Variants in UGDH observed in about 807,000 individuals in gnomAD.
UGDH encodes the protein UDP-Glc dehydrogenase.
In UGDH, 38 loss-of-function variants were observed where a neutral mutation model predicts 50.6. That is an observed-to-expected ratio of 0.75 (90% CI 0.58 to 0.98). The LOEUF (loss-of-function observed/expected upper bound fraction) is 0.98, where lower values mean the gene tolerates loss of function less well. UGDH is among the 50% of genes least tolerant of loss of function. The pLI is 0.00. For synonymous variants in UGDH, 168 were observed against 199.9 expected, an observed-to-expected ratio of 0.84 and a Z score of 1.35; for missense variants, 465 against 606.2, an observed-to-expected ratio of 0.77 and a Z score of 2.45.
At chr4:39,500,919 G>A (rs1161107686) in intron 11 of UGDH, among the ~76,000 whole-genome samples, 1 of 151,234 alleles carries the variant, frequency 6.6e-6, no homozygotes, top group Non-Finnish European at 1.5e-5. Context: ...CTCCCAGAGT[G>A]CTGGGATTAC....
intron 1 of UGDH, among the ~76,000 whole-genome samples, chr4:39,524,643 G>A (rs1221163511): frequency 6.6e-6 from 1 of 151,848 alleles, no homozygotes; most frequent in Admixed American, 6.6e-5. Flanking sequence ...CAAGTACCTG[G>A]GACTACAGGT....
At chr4:39,503,840 CA>C (rs1553936874) in intron 11 of UGDH, 34 bp downstream of exon 11, 11 of 1,594,494 alleles carry the variant, frequency 6.9e-6, no homozygotes, top group Non-Finnish European at 9.4e-6. Context: ...AAAGACCAAA[CA>C]AAAAGAAAAA....
chr4:39,515,711 C>CT (rs895104048), intron 2 of UGDH, among the ~76,000 whole-genome samples: 8 of 151,782 alleles, frequency 5.3e-5, no homozygotes, highest in Non-Finnish European at 1.0e-4. Context: ...TGAAAAATTT[C>CT]TTTTTTTTGA....
At chr4:39,505,825 T>C in intron 7 of UGDH, 77 bp from the exon 8 acceptor site, 2 of 1,441,328 alleles carry the variant, frequency 1.4e-6, no homozygotes, top group South Asian at 1.5e-5. Context: ...CAGAATTTTA[T>C]GGTGAGTGCT....
At chr4:39,503,158 G>T (rs71606176) in intron 11 of UGDH, among the ~76,000 whole-genome samples, 1 of 151,854 alleles carries the variant, frequency 6.6e-6, no homozygotes, top group African/African-American at 2.4e-5. Flanking sequence ...CTTGTGATCC[G>T]CCCGCCTCAG....
intron 2 of UGDH, among the ~76,000 whole-genome samples, chr4:39,514,980 C>T (rs1489427648): frequency 2.0e-5 from 3 of 151,428 alleles, no homozygotes; most frequent in African/African-American, 7.3e-5. Flanking sequence ...CCACACCTGG[C>T]CTATTTTATT....
At chr4:39,523,867 GTT>G (rs2109950068) in intron 1 of UGDH, among the ~76,000 whole-genome samples, 1 of 151,430 alleles carries the variant, frequency 6.6e-6, no homozygotes, top group African/African-American at 2.4e-5. Flanking sequence ...AATTAAATCT[GTT>G]GTAACAAGGT....
chr4:39,508,785 G>GGC, intron 6 of UGDH, 125 bp from the exon 7 acceptor site: 2 of 747,032 alleles, frequency 2.7e-6, no homozygotes, highest in Non-Finnish European at 4.1e-6. Flanking sequence ...AATTCAGATG[G>GGC]ATAAATAATG....
intron 11 of UGDH, among the ~76,000 whole-genome samples, chr4:39,502,057 T>A (rs891525832): frequency 6.6e-6 from 1 of 152,234 alleles, no homozygotes; most frequent in Admixed American, 6.5e-5. Context: ...TTTTTTTAAT[T>A]TCTCACTAGG....
intron 11 of UGDH, among the ~76,000 whole-genome samples, chr4:39,500,653 C>CTTTTTTTTTTTT (rs11284301): frequency 4.4e-5 from 6 of 135,220 alleles, no homozygotes; most frequent in Non-Finnish European, 4.8e-5. Context: ...GCATAATTCT[C>CTTTTTTTTTTTT]TTTTTTTTTT....
intron 2 of UGDH, among the ~76,000 whole-genome samples, chr4:39,516,287 G>C (rs1746441237): frequency 1.3e-5 from 2 of 151,966 alleles, no homozygotes; most frequent in East Asian, 3.9e-4. Flanking sequence ...CTGTCTCAAA[G>C]AAAAACAAAA....
intron 11 of UGDH, among the ~76,000 whole-genome samples, chr4:39,500,524 C>G (rs565742051): frequency 6.6e-6 from 1 of 152,284 alleles, no homozygotes; most frequent in East Asian, 1.9e-4. Flanking sequence ...TATGTGCCAC[C>G]ACTGTCTTTA....
intron 2 of UGDH, among the ~76,000 whole-genome samples, chr4:39,518,273 TTCTG>T (rs1412879375): frequency 3.9e-5 from 6 of 152,302 alleles, no homozygotes; most frequent in Admixed American, 2.6e-4. Flanking sequence ...AGGTTGTTCC[TTCTG>T]TCTTTTAGTG....
At chr4:39,522,576 G>A (rs1421654442) in intron 1 of UGDH, among the ~76,000 whole-genome samples, 3 of 152,154 alleles carry the variant, frequency 2.0e-5, no homozygotes, top group African/African-American at 7.2e-5. Flanking sequence ...GTTTGAATCT[G>A]TATTAAACAA....
In UGDH at chr4:39,508,603, G is replaced by A. The variant is rs776883283; in HGVS notation, c.869C>T (p.Ala290Val). ...ACGAGCTACTTCTGGCAAATTCAGA[G>A]CCTCACAGAGATAAACCAAATTCAG... ...DVLNLVYLCE[A>V]LNLPEVARYW... The change falls in exon 7 of 12, where the codon GCT becomes GTT. Residue 290 changes from alanine (A) to valine (V), a missense_variant. Transcript: ENST00000316423. The A allele has an allele frequency of 6.2e-7, 1 of 1,610,004 alleles. No individual in the cohort carries two copies. Among genetic ancestry groups the A allele is most frequent in the Admixed American group, 1.7e-5 (1 of 59,444 alleles).
rs775554067 is a variant in UGDH at position 39,500,190 on chromosome 4, G to T, written c.1438C>A (p.Pro480Thr). The T allele has an allele frequency of 6.2e-7, 1 of 1,604,934 alleles. No individual in the cohort carries two copies. Among genetic ancestry groups the T allele is most frequent in the Non-Finnish European group, 8.5e-7 (1 of 1,175,222 alleles). Reference sequence around the variant, plus strand: ...GGTGGATCTTGAAGACTAAACTTCGGAATTTCACCAGAAGGAGCATATGGA... The same window carrying T: ...GGTGGATCTTGAAGACTAAACTTCGTAATTTCACCAGAAGGAGCATATGGA... The part of the protein sequence containing the change: ...RIPYAPSGEI[P>T]KFSLQDPPNK... Residue 480 changes from proline (P) to threonine (T), a missense_variant, in exon 12 of 12, where the codon CCG (proline) becomes ACG (threonine). Physicochemically the swap from Pro to Thr is conservative, Grantham distance 38 (BLOSUM62 -1). Transcript: ENST00000316423.
chr4:39,520,866 G>A (rs1294333264), intron 2 of UGDH, among the ~76,000 whole-genome samples: 1 of 151,718 alleles, frequency 6.6e-6, no homozygotes, highest in Non-Finnish European at 1.5e-5. Flanking sequence ...CTGAGTTCAG[G>A]AGCTCAAGAC....
intron 9 of UGDH, among the ~76,000 whole-genome samples, 200 bp from the exon 10 acceptor site, chr4:39,504,708 T>A (rs768604531): frequency 5.3e-5 from 8 of 152,204 alleles, no homozygotes. Flanking sequence ...AGTGACTAAG[T>A]AGCATATGGA....
chr4:39,518,570 G>C (rs527754718), intron 2 of UGDH, among the ~76,000 whole-genome samples: 1 of 151,320 alleles, frequency 6.6e-6, no homozygotes, highest in African/African-American at 2.4e-5. Flanking sequence ...GATGGAGTCG[G>C]CCTCCAAAAG....
Sources: gnomAD v4.1 joint callset for allele counts (sites outside exome capture counted in the v4.1 genomes callset) on GRCh38, gnomAD v4.1.1 for gene constraint, MANE v1.5 for transcripts, NCBI Gene and HGNC (gene_info 2026-07-23, HGNC 2026-07-21) for gene names.